The following PPP2CB variants were observed in gnomAD, a reference collection of about 807,000 sequenced individuals.
PPP2CB encodes protein phosphatase 2 catalytic subunit beta.
In PPP2CB, 18 loss-of-function variants were observed where a neutral mutation model predicts 39.1. The ratio of observed to expected loss-of-function variants is 0.46; its 90% CI spans 0.32 to 0.68. The LOEUF is 0.68. PPP2CB is among the 30% of genes least tolerant of loss of function. The pLI is 0.04. For missense variants in PPP2CB, 226 were observed against 396.9 expected (o/e 0.57, Z 3.66); for synonymous variants, 129 against 133.8 (o/e 0.96, Z 0.25).
intron 1 of PPP2CB, among the ~76,000 whole-genome samples, chr8:30,801,084 C>T (rs1198701860): frequency 7.7e-6 from 1 of 129,042 alleles, no homozygotes; most frequent in African/African-American, 2.9e-5. Flanking sequence ...TGGTGTGTGC[C>T]TATAGTCCCA....
chr8:30,787,658 T>A (rs2128759982), intron 6 of PPP2CB, among the ~76,000 whole-genome samples: 1 of 152,344 alleles, frequency 6.6e-6, no homozygotes, highest in Non-Finnish European at 1.5e-5. Context: ...AAACATTTGG[T>A]GGACTTCATC....
intron 6 of PPP2CB, among the ~76,000 whole-genome samples, chr8:30,787,110 A>T (rs995024303): frequency 1.3e-5 from 2 of 152,218 alleles, no homozygotes; most frequent in East Asian, 3.8e-4. Context: ...CCAACCTAGC[A>T]TTCCTGGGAT....
rs1339730601 is a variant in PPP2CB at position 30,812,771 on chromosome 8, C to T, written c.-350G>A. Reference sequence around the variant, plus strand: ...AAGGCCGCCCGCTGCCGCTTCAGGCCCGCCTCACGCCTACCGGCCTCTCCC... The same window carrying T: ...AAGGCCGCCCGCTGCCGCTTCAGGCTCGCCTCACGCCTACCGGCCTCTCCC... On this transcript the variant is annotated 5_prime_UTR_variant, in exon 1 of 7. Transcript: ENST00000221138. The T allele has an allele frequency of 1.3e-5, 6 of 468,056 alleles. No homozygotes were observed. The Admixed American group carries it at 1.4e-4, about 11-fold the overall frequency. 29.0% of individuals were successfully genotyped at this position (468,056 alleles called of 1,614,324 possible).
chr8:30,789,330 G>A (rs544403354), intron 6 of PPP2CB, among the ~76,000 whole-genome samples: 215 of 152,280 alleles, frequency 1.4e-3, no homozygotes, highest in South Asian at 5.2e-3. Context: ...GTGCCTGACC[G>A]TTTTTACTTC....
chr8:30,786,509 TAAG>T lies in PPP2CB; in HGVS notation c.858-205_858-203del, dbSNP rs140548220. ...GCTTCATAGGGCTATGGTGAAAATT[TAAG>T]AAGACAGAATGTCTGGTTTGGTGCC... On this transcript the variant is annotated intron_variant, in intron 6 of 6. Coordinates refer to ENST00000221138, the MANE Select transcript of PPP2CB (RefSeq NM_001009552.2). 3,100 of 383,292 alleles carry T rather than the reference TAAG, an allele frequency of 8.1e-3. 198 individuals are homozygous for T. Among genetic ancestry groups the T allele is most frequent in the African/African-American group, 0.059 (2,817 of 47,436 alleles). 23.7% of individuals were successfully genotyped at this position (383,292 alleles called of 1,614,324 possible).
At position 30,787,680 on chromosome 8, in the gene PPP2CB, T is replaced by C. The variant is rs181170915; in HGVS notation, c.858-1373A>G. Among the ~76,000 whole-genome samples, 60 of 152,344 alleles carry C rather than the reference T, an allele frequency of 3.9e-4. 1 individual carries two copies. The highest frequency in any genetic ancestry group is 3.1e-3 in the Admixed American group (47 of 15,292). Reference sequence around the variant, plus strand: ...TGGTGGACTTCATCAATGAAGCCAATTGGGCTTGGCCTTTTATTTGTGGGG... The same window carrying C: ...TGGTGGACTTCATCAATGAAGCCAACTGGGCTTGGCCTTTTATTTGTGGGG... On this transcript the variant is annotated intron_variant, in intron 6 of 6. Transcript: ENST00000221138.
intron 6 of PPP2CB, among the ~76,000 whole-genome samples, chr8:30,790,144 G>C (rs887321856): frequency 1.3e-5 from 2 of 149,538 alleles, no homozygotes; most frequent in African/African-American, 5.0e-5. Context: ...TTGAGGTTCT[G>C]GGTGGACATG....
chr8:30,809,503 A>C (rs1309683675), intron 1 of PPP2CB, among the ~76,000 whole-genome samples: 2 of 152,210 alleles, frequency 1.3e-5, no homozygotes, highest in Non-Finnish European at 2.9e-5. Context: ...TGCAAAACTA[A>C]GCACGGCTCA....
chr8:30,796,554 A>G (rs1417806928), intron 3 of PPP2CB, among the ~76,000 whole-genome samples: 1 of 151,970 alleles, frequency 6.6e-6, no homozygotes, highest in Non-Finnish European at 1.5e-5. Flanking sequence ...ATCCCCGGCT[A>G]ATTTTTGTAT....
chr8:30,801,054 T>TA (rs1171001507), intron 1 of PPP2CB, among the ~76,000 whole-genome samples: 1 of 109,952 alleles, frequency 9.1e-6, no homozygotes, highest in African/African-American at 3.5e-5. Context: ...ATAAAAAATT[T>TA]AAAAAATAGC....
chr8:30,809,780 T>A (rs1373149663), intron 1 of PPP2CB, among the ~76,000 whole-genome samples: 1 of 151,440 alleles, frequency 6.6e-6, no homozygotes, highest in South Asian at 2.1e-4. Context: ...ATAAAAAAAA[T>A]AAAAAAATTA....
chr8:30,805,813 T>C (rs898862974), intron 1 of PPP2CB, among the ~76,000 whole-genome samples: 5 of 152,216 alleles, frequency 3.3e-5, no homozygotes, highest in Admixed American at 3.3e-4. Flanking sequence ...AACATGATGC[T>C]ATTATAACGC....
At chr8:30,786,732 C>T (rs1225991277) in intron 6 of PPP2CB, among the ~76,000 whole-genome samples, 14 of 146,808 alleles carry the variant, frequency 9.5e-5, no homozygotes, top group African/African-American at 1.5e-4. Flanking sequence ...GGCACGATCT[C>T]GGCTTATTGC....
rs75399651 is a variant in PPP2CB at position 30,788,007 on chromosome 8, C to T, written c.858-1700G>A. Among the ~76,000 whole-genome samples the T allele has an allele frequency of 4.1e-3, 630 of 152,200 alleles. 4 individuals carry two copies. Among genetic ancestry groups the T allele is most frequent in the Non-Finnish European group, 6.0e-3 (410 of 68,008 alleles). On this transcript the variant is annotated intron_variant, in intron 6 of 6. Transcript: ENST00000221138. ...GTTATTTATTGTATTCCCTTATAATCCTTTTTATTTCAGTAAGGTCTCTAG... is the reference window on the plus strand; with the variant it reads ...GTTATTTATTGTATTCCCTTATAATTCTTTTTATTTCAGTAAGGTCTCTAG...
At chr8:30,802,789 G>A (rs1270538421) in intron 1 of PPP2CB, among the ~76,000 whole-genome samples, 5 of 152,158 alleles carry the variant, frequency 3.3e-5, no homozygotes, top group African/African-American at 7.2e-5. Flanking sequence ...AAAAAGGAAC[G>A]AAGTCCAGAT....
intron 6 of PPP2CB, among the ~76,000 whole-genome samples, chr8:30,789,049 CTTTTT>C (rs5890534): frequency 1.5e-5 from 2 of 137,044 alleles, no homozygotes; most frequent in Non-Finnish European, 1.6e-5. Context: ...GATGTTTTTA[CTTTTT>C]TTTTTTTTTT....
chr8:30,787,722 C>T (rs760719117), intron 6 of PPP2CB, among the ~76,000 whole-genome samples: 5 of 152,152 alleles, frequency 3.3e-5, no homozygotes, highest in Non-Finnish European at 7.3e-5. Flanking sequence ...AACTTTTTCA[C>T]TCATTTATTT....
chr8:30,786,297 CA>C lies in PPP2CB; in HGVS notation c.867del (p.Phe289LeufsTer39). ...GGCTCACCACGACGAGGCGCTGGGT[CA>C]AATTGAAGGCTGTAAATGGCAAAAA... The part of the protein sequence containing the change: ...DDTLKYSFLQ[F>X]DPAPRRGEPH... On this transcript the variant is annotated frameshift_variant, in exon 7 of 7. Coordinates refer to ENST00000221138, the MANE Select transcript of PPP2CB (RefSeq NM_001009552.2). LOFTEE classifies it high-confidence loss of function. 1 of 1,576,426 alleles carries C rather than the reference CA, an allele frequency of 6.3e-7. No individual in the cohort carries two copies. Among genetic ancestry groups the C allele is most frequent in the Non-Finnish European group, 8.6e-7 (1 of 1,160,502 alleles).
intron 6 of PPP2CB, among the ~76,000 whole-genome samples, chr8:30,790,113 A>G (rs1441597702): frequency 6.6e-6 from 1 of 152,094 alleles, no homozygotes; most frequent in Non-Finnish European, 1.5e-5. Flanking sequence ...TAAAGATCCT[A>G]TTTCCAAATA....
Sources: allele counts gnomAD v4.1 joint callset (sites outside exome capture counted in the v4.1 genomes callset), GRCh38; gene constraint gnomAD v4.1.1; transcripts MANE v1.5; gene names NCBI Gene and HGNC (gene_info 2026-07-23, HGNC 2026-07-21).